LYPD6: variants seen among roughly 807,000 people sequenced by gnomAD.
The protein encoded by LYPD6 is ly6/PLAUR domain-containing protein 6.
LYPD6 carries 15 observed loss-of-function variants against 22.7 expected under a neutral mutation model. The observed-to-expected ratio is 0.66, with a 90% CI of 0.44 to 1.02. LYPD6 has a LOEUF of 1.02. Among genes scored for constraint, LYPD6 ranks in the 50% least tolerant of loss-of-function variants. The pLI is 0.00. For synonymous variants in LYPD6, 72 were observed against 77.5 expected, an observed-to-expected ratio of 0.93 and a Z score of 0.37; for missense variants, 189 against 208.4, an observed-to-expected ratio of 0.91 and a Z score of 0.57.
At chr2:149,437,234 C>T (rs758086935) in intron 1 of LYPD6, among the ~76,000 whole-genome samples, 16 of 152,128 alleles carry the variant, frequency 1.1e-4, no homozygotes, top group East Asian at 5.8e-4. Context: ...CATGGACACC[C>T]GTGGCCCAGT....
intron 3 of LYPD6, among the ~76,000 whole-genome samples, chr2:149,467,802 T>TA (rs1363907827): frequency 6.6e-6 from 1 of 152,166 alleles, no homozygotes; most frequent in Non-Finnish European, 1.5e-5. Flanking sequence ...AGCTGAACAT[T>TA]GCCTGGAGGC....
the LYPD6 span, among the ~76,000 whole-genome samples, chr2:149,485,048 C>T: frequency 6.6e-6 from 1 of 152,118 alleles, no homozygotes; most frequent in African/African-American, 2.4e-5. Flanking sequence ...TGTGGAGTGC[C>T]TGATATTAAA....
chr2:149,451,249 G>A (rs887715991), intron 3 of LYPD6, among the ~76,000 whole-genome samples: 1 of 152,106 alleles, frequency 6.6e-6, no homozygotes, highest in Non-Finnish European at 1.5e-5. Flanking sequence ...GACAAAAGGC[G>A]GGGAAGGGAA....
chr2:149,436,808 C>G (rs181985552), intron 1 of LYPD6, among the ~76,000 whole-genome samples: 11 of 152,320 alleles, frequency 7.2e-5, no homozygotes, highest in African/African-American at 1.9e-4. Context: ...GTCTCGATCT[C>G]CCAACCTCAG....
intron 3 of LYPD6, among the ~76,000 whole-genome samples, chr2:149,458,238 G>A (rs1180459667): frequency 6.6e-6 from 1 of 152,146 alleles, no homozygotes; most frequent in East Asian, 1.9e-4. Context: ...GCAGTAACAA[G>A]GTCTCTTCCA....
intron 1 of LYPD6, among the ~76,000 whole-genome samples, chr2:149,351,785 C>T (rs771860271): frequency 7.2e-5 from 11 of 152,140 alleles, no homozygotes; most frequent in Non-Finnish European, 1.0e-4. Context: ...CAAAGACAGG[C>T]GCTGGGCCCC....
chr2:149,408,155 CT>C, intron 1 of LYPD6, among the ~76,000 whole-genome samples: 1 of 152,170 alleles, frequency 6.6e-6, no homozygotes, highest in Admixed American at 6.5e-5. Flanking sequence ...TTGGGGGTGC[CT>C]CCCAGTTAGG....
At chr2:149,427,859 A>G (rs1274121317) in intron 1 of LYPD6, among the ~76,000 whole-genome samples, 1 of 152,260 alleles carries the variant, frequency 6.6e-6, no homozygotes, top group Admixed American at 6.5e-5. Context: ...ATTACTAGAC[A>G]TACACAACAA....
intron 4 of LYPD6, 117 bp from the exon 5 acceptor site, chr2:149,470,566 A>T: frequency 1.2e-6 from 1 of 815,964 alleles, no homozygotes; most frequent in Non-Finnish European, 2.0e-6. Flanking sequence ...CATCTCCTTT[A>T]TAGATTAGGT....
chr2:149,407,183 G>A (rs566166287), intron 1 of LYPD6, among the ~76,000 whole-genome samples: 52 of 152,210 alleles, frequency 3.4e-4, no homozygotes, highest in African/African-American at 1.1e-3. Flanking sequence ...CTTCATTTCA[G>A]CTTTGGTGAA....
At chr2:149,366,181 G>A (rs990264859) in intron 1 of LYPD6, among the ~76,000 whole-genome samples, 1 of 152,114 alleles carries the variant, frequency 6.6e-6, no homozygotes, top group Non-Finnish European at 1.5e-5. Flanking sequence ...CCCACTGCCT[G>A]CCTTTTTTAT....
intron 1 of LYPD6, among the ~76,000 whole-genome samples, chr2:149,429,683 G>A (rs1683270122): frequency 6.6e-6 from 1 of 152,312 alleles, no homozygotes; most frequent in Middle Eastern, 3.4e-3. Flanking sequence ...GATTTCTGTG[G>A]GTCGGGAATG....
intron 1 of LYPD6, among the ~76,000 whole-genome samples, chr2:149,346,897 C>T (rs1681266455): frequency 6.6e-6 from 1 of 152,178 alleles, no homozygotes; most frequent in Non-Finnish European, 1.5e-5. Flanking sequence ...GACGGGGTTT[C>T]ACCATGTTGG....
intron 3 of LYPD6, among the ~76,000 whole-genome samples, chr2:149,455,496 G>A (rs1308070024): frequency 6.6e-6 from 1 of 152,060 alleles, no homozygotes; most frequent in Non-Finnish European, 1.5e-5. Flanking sequence ...CTGACCTCGT[G>A]ATCCACCCAC....
chr2:149,404,993 A>T (rs989817372), intron 1 of LYPD6, among the ~76,000 whole-genome samples: 18 of 152,148 alleles, frequency 1.2e-4, no homozygotes, highest in Non-Finnish European at 1.9e-4. Flanking sequence ...TGAGATAATC[A>T]TGTGGTTTTT....
chr2:149,384,565 A>G (rs931138720), intron 1 of LYPD6, among the ~76,000 whole-genome samples: 6 of 152,142 alleles, frequency 3.9e-5, no homozygotes, highest in African/African-American at 1.4e-4. Context: ...GGCGCCTACC[A>G]CAGAGGTGTG....
At chr2:149,392,981 G>C (rs1379471595) in intron 1 of LYPD6, among the ~76,000 whole-genome samples, 1 of 152,154 alleles carries the variant, frequency 6.6e-6, no homozygotes, top group African/African-American at 2.4e-5. Flanking sequence ...AGCCAAGATC[G>C]TGCCACTGTG....
rs116047374 is a variant in LYPD6, at chr2:149,438,893, A to G, written c.118+1067A>G. On this transcript the variant is annotated intron_variant, in intron 2 of 4. Transcript: ENST00000334166. ...CCTTTTGACTTAAAATAAATTCCCT[A>G]TCATTGTGAAGATTAAATTAAAAAT... Among the ~76,000 whole-genome samples, 1,201 of 152,328 alleles carry G rather than the reference A, an allele frequency of 7.9e-3. 15 individuals are homozygous for G. The highest frequency in any genetic ancestry group is 0.026 in the African/African-American group (1,089 of 41,568).
At chr2:149,422,789 C>T (rs1437657353) in intron 1 of LYPD6, among the ~76,000 whole-genome samples, 1 of 152,122 alleles carries the variant, frequency 6.6e-6, no homozygotes, top group African/African-American at 2.4e-5. Context: ...TGACAAGCAT[C>T]ATTCTACTCT....
Sources: allele counts gnomAD v4.1 joint callset (sites outside exome capture counted in the v4.1 genomes callset), GRCh38; gene constraint gnomAD v4.1.1; transcripts MANE v1.5; gene names NCBI Gene and HGNC (gene_info 2026-07-23, HGNC 2026-07-21).